The following TJP1 variants were observed in gnomAD, a reference collection of about 807,000 sequenced individuals.
TJP1 encodes the protein tight junction protein 1.
TJP1 carries 43 observed loss-of-function variants against 194.2 expected under a neutral mutation model. The observed-to-expected ratio is 0.22, with a 90% CI of 0.17 to 0.29. TJP1 has a LOEUF of 0.29. Ranked by LOEUF, TJP1 falls within the 10% of genes least tolerant of loss-of-function variation. TJP1 has a pLI of 1.00. For synonymous variants in TJP1, 801 were observed against 779.0 expected (o/e 1.03, Z -0.47); for missense variants, 1,971 against 2,185.7 (o/e 0.90, Z 1.96).
intron 1 of TJP1, among the ~76,000 whole-genome samples, chr15:29,809,648 C>A (rs2049349959): frequency 6.6e-6 from 1 of 152,066 alleles, no homozygotes; most frequent in Non-Finnish European, 1.5e-5. Flanking sequence ...AGTTCGAGAC[C>A]AGGCTGGCCA....
chr15:29,795,140 C>A (rs1347567609), intron 2 of TJP1, among the ~76,000 whole-genome samples: 1 of 151,974 alleles, frequency 6.6e-6, no homozygotes, highest in South Asian at 2.1e-4. Context: ...ACACAAACTA[C>A]CAGTCAGGCA....
At chr15:29,882,706 G>T (rs919957561) in intron 2 of TJP1, among the ~76,000 whole-genome samples, 1 of 152,154 alleles carries the variant, frequency 6.6e-6, no homozygotes, top group Non-Finnish European at 1.5e-5. Flanking sequence ...CTCCCCAAAC[G>T]AAGAGCCACT....
intron 25 of TJP1, among the ~76,000 whole-genome samples, chr15:29,708,091 G>A (rs2042009007): frequency 6.6e-6 from 1 of 151,926 alleles, no homozygotes; most frequent in South Asian, 2.1e-4. Flanking sequence ...AGCTACTTAG[G>A]AGGCTGAGGC....
intron 2 of TJP1, among the ~76,000 whole-genome samples, chr15:29,936,606 G>A (rs890317085): frequency 6.6e-6 from 1 of 152,092 alleles, no homozygotes; most frequent in Non-Finnish European, 1.5e-5. Flanking sequence ...AGTACTCCAG[G>A]TGCTGCAGTC....
intron 27 of TJP1, among the ~76,000 whole-genome samples, chr15:29,703,922 C>T (rs1242911687): frequency 1.3e-5 from 2 of 152,162 alleles, no homozygotes; most frequent in Admixed American, 6.5e-5. Context: ...CGATTACAGG[C>T]ATGAGCCACG....
At chr15:29,760,377 T>C (rs191965927) in intron 8 of TJP1, 16 of 625,780 alleles carry the variant, frequency 2.6e-5, no homozygotes, top group Admixed American at 1.7e-4. Flanking sequence ...TAAATACTAG[T>C]GTTTTGTTTT....
At chr15:29,786,651 C>G (rs1440228305) in intron 2 of TJP1, among the ~76,000 whole-genome samples, 1 of 152,054 alleles carries the variant, frequency 6.6e-6, no homozygotes, top group African/African-American at 2.4e-5. Context: ...CAGGTGGACA[C>G]GACCATGCCT....
At chr15:29,755,749 T>C (rs1452216976) in intron 8 of TJP1, among the ~76,000 whole-genome samples, 3 of 152,208 alleles carry the variant, frequency 2.0e-5, no homozygotes, top group Admixed American at 6.5e-5. Flanking sequence ...GAAAACAGTT[T>C]AGGCCTTAGA....
intron 2 of TJP1, among the ~76,000 whole-genome samples, chr15:29,833,400 T>C (rs893631021): frequency 3.9e-5 from 6 of 152,040 alleles, no homozygotes; most frequent in African/African-American, 1.5e-4. Context: ...ATTGGAAAAT[T>C]TTTTGTTTTC....
chr15:29,857,668 T>C (rs1424138410), intron 2 of TJP1, among the ~76,000 whole-genome samples: 1 of 152,228 alleles, frequency 6.6e-6, no homozygotes, highest in Non-Finnish European at 1.5e-5. Context: ...ATATGCATTC[T>C]TGCCTTTGGG....
At chr15:29,764,805 A>T (rs2046230102) in intron 5 of TJP1, among the ~76,000 whole-genome samples, 1 of 152,230 alleles carries the variant, frequency 6.6e-6, no homozygotes, top group South Asian at 2.1e-4. Flanking sequence ...CTACAGGAAC[A>T]TCTAAGTGAA....
At chr15:29,813,450 A>T (rs1035702560) in intron 1 of TJP1, among the ~76,000 whole-genome samples, 1 of 152,212 alleles carries the variant, frequency 6.6e-6, no homozygotes, top group Non-Finnish European at 1.5e-5. Flanking sequence ...AAGTCCTCAT[A>T]CAATGGAATA....
Position 29,718,824 on chromosome 15 carries a change from A to C in TJP1, c.3318T>G (p.Phe1106Leu). Reference protein sequence around the residue: ...DKQPYPSRPPFDNQHSQDLDS... With the variant: ...DKQPYPSRPPLDNQHSQDLDS... The stretch of plus-strand genomic sequence containing the variant: ...CAAGGTCTTGAGAGTGCTGATTATC[A>C]AAAGGTGGCCGAGATGGGTAGGGCT... The change falls in exon 21 of 28, where the codon TTT becomes TTG. Residue 1106 changes from phenylalanine to leucine, a missense_variant. This residue lies in a region of TJP1 where 1,108 missense variants were observed against 1,128.5 expected (regional missense o/e 0.98). Transcript: ENST00000614355. The C allele has an allele frequency of 1.2e-6, 2 of 1,614,192 alleles. No individual in the cohort carries two copies. Among genetic ancestry groups the C allele is most frequent in the Non-Finnish European group, 1.7e-6 (2 of 1,180,038 alleles).
chr15:29,833,576 T>C (rs1279772238), intron 2 of TJP1, among the ~76,000 whole-genome samples: 2 of 151,624 alleles, frequency 1.3e-5, no homozygotes, highest in Admixed American at 1.3e-4. Flanking sequence ...GTATTTTTAG[T>C]AGAGATGGGA....
intron 8 of TJP1, among the ~76,000 whole-genome samples, chr15:29,752,907 G>A (rs753852628): frequency 2.0e-5 from 3 of 152,010 alleles, no homozygotes; most frequent in Non-Finnish European, 2.9e-5. Flanking sequence ...CCAGTAGGTC[G>A]AGTTTCCATC....
At chr15:29,949,655 TCCACCTCCACAA>T (rs2055542931) in intron 2 of TJP1, among the ~76,000 whole-genome samples, 1 of 44,706 alleles carries the variant, frequency 2.2e-5, no homozygotes, top group Non-Finnish European at 4.4e-5. Context: ...CACCACCACC[TCCACCTCCACAA>T]CCACCACCTC....
intron 7 of TJP1, 140 bp from the exon 8 acceptor site, chr15:29,761,426 G>T: frequency 1.6e-6 from 2 of 1,289,190 alleles, no homozygotes; most frequent in Non-Finnish European, 2.1e-6. Context: ...TCACCTGCCA[G>T]CAATCATATC....
At chr15:29,801,057 G>A (rs1435192114) in intron 1 of TJP1, among the ~76,000 whole-genome samples, 1 of 152,164 alleles carries the variant, frequency 6.6e-6, no homozygotes, top group African/African-American at 2.4e-5. Flanking sequence ...ACATTTAAAA[G>A]CATCTCTTAT....
chr15:29,818,093 A>G (rs536295759), intron 1 of TJP1, among the ~76,000 whole-genome samples: 2 of 152,202 alleles, frequency 1.3e-5, no homozygotes, highest in Admixed American at 1.3e-4. Context: ...ACAGTAAAAA[A>G]TGACATAAAT....
Sources: allele counts gnomAD v4.1 joint callset (sites outside exome capture counted in the v4.1 genomes callset), GRCh38; gene constraint gnomAD v4.1.1; regional missense constraint gnomAD v4.1.1; transcripts MANE v1.5; gene names NCBI Gene and HGNC (gene_info 2026-07-23, HGNC 2026-07-21).